PTPRT: variants seen among roughly 807,000 people sequenced by gnomAD.
PTPRT encodes protein tyrosine phosphatase receptor type T.
Under a neutral mutation model 176.8 loss-of-function variants are expected in PTPRT, and 56 were observed. The ratio of observed to expected loss-of-function variants is 0.32; its 90% CI spans 0.26 to 0.40. The LOEUF is 0.40. PTPRT is among the 10% of genes least tolerant of loss of function. The pLI, the probability that PTPRT is intolerant of heterozygous loss-of-function variation, is 1.00. For missense variants in PTPRT, 1,540 were observed against 1,908.2 expected (o/e 0.81, Z 3.60); for synonymous variants, 783 against 739.0 (o/e 1.06, Z -0.96).
At chr20:42,411,471 C>T (rs565646190) in intron 9 of PTPRT, among the ~76,000 whole-genome samples, 46 of 138,634 alleles carry the variant, frequency 3.3e-4, no homozygotes, top group Admixed American at 1.6e-3. Flanking sequence ...GAGCCGAGAT[C>T]GCACCATTGC....
chr20:42,622,402 G>C (rs906850818), intron 7 of PTPRT, among the ~76,000 whole-genome samples: 1 of 151,990 alleles, frequency 6.6e-6, no homozygotes, highest in Admixed American at 6.6e-5. Flanking sequence ...CCAACATGCC[G>C]GCTAATTTTT....
chr20:42,760,192 G>A (rs115052610), intron 5 of PTPRT, among the ~76,000 whole-genome samples: 200 of 152,260 alleles, frequency 1.3e-3, no homozygotes, highest in African/African-American at 4.6e-3. Context: ...TTTAGCAGCC[G>A]ACATGCCCAG....
intron 1 of PTPRT, among the ~76,000 whole-genome samples, chr20:42,892,599 G>A (rs990753211): frequency 1.3e-5 from 2 of 152,170 alleles, no homozygotes; most frequent in Admixed American, 6.6e-5. Context: ...TGATGAACGT[G>A]GCTGGAGATT....
chr20:42,451,075 A>C (rs1160077329), intron 8 of PTPRT, among the ~76,000 whole-genome samples: 1 of 152,092 alleles, frequency 6.6e-6, no homozygotes, highest in Admixed American at 6.5e-5. Context: ...TTGAGGGTGG[A>C]AGGAGAAAAA....
At chr20:42,764,141 G>A (rs748791944) in intron 5 of PTPRT, among the ~76,000 whole-genome samples, 9 of 152,082 alleles carry the variant, frequency 5.9e-5, no homozygotes, top group African/African-American at 1.4e-4. Context: ...TTTGTGGAGG[G>A]AGCAGTCAGT....
intron 9 of PTPRT, among the ~76,000 whole-genome samples, chr20:42,403,741 T>C (rs1044237620): frequency 6.6e-6 from 1 of 152,114 alleles, no homozygotes; most frequent in Admixed American, 6.6e-5. Context: ...CTTTCTCACC[T>C]CCACTCTTCT....
At chr20:42,498,730 C>A (rs1402204979) in intron 7 of PTPRT, among the ~76,000 whole-genome samples, 3 of 152,118 alleles carry the variant, frequency 2.0e-5, no homozygotes, top group African/African-American at 4.8e-5. Flanking sequence ...CTCGACCTCT[C>A]TTACCTTACC....
At chr20:43,130,639 C>G (rs1356458985) in intron 1 of PTPRT, among the ~76,000 whole-genome samples, 1 of 151,070 alleles carries the variant, frequency 6.6e-6, no homozygotes, top group Non-Finnish European at 1.5e-5. Context: ...ATGAAGATAC[C>G]CTGCAGGTAT....
intron 3 of PTPRT, among the ~76,000 whole-genome samples, chr20:42,784,453 CTT>C (rs1161418929): frequency 1.3e-5 from 2 of 152,036 alleles, no homozygotes. Context: ...TTAAGAGAGA[CTT>C]TTTTTACCCT....
intron 1 of PTPRT, among the ~76,000 whole-genome samples, chr20:42,934,003 C>T (rs979284169): frequency 1.3e-5 from 2 of 152,244 alleles, no homozygotes; most frequent in African/African-American, 4.8e-5. Context: ...GTCTGGAACT[C>T]ATTTTTCCCC....
intron 1 of PTPRT, among the ~76,000 whole-genome samples, chr20:43,126,585 CT>C (rs1000776834): frequency 2.2e-4 from 33 of 152,318 alleles, no homozygotes; most frequent in African/African-American, 7.2e-4. Context: ...TTTTCTTCAA[CT>C]GTCCCTTTTC....
chr20:42,220,037 T>TTACA (rs1555803548), intron 15 of PTPRT, among the ~76,000 whole-genome samples: 4 of 116,608 alleles, frequency 3.4e-5, no homozygotes, highest in African/African-American at 8.7e-5. Context: ...TTTAAAAAAG[T>TTACA]TATATATATA....
intron 9 of PTPRT, among the ~76,000 whole-genome samples, chr20:42,426,827 A>G (rs6030219): frequency 0.82 from 124,125 of 151,654 alleles, 50,967 homozygotes; most frequent in Admixed American, 0.86. Flanking sequence ...TCTTGTTTCA[A>G]TAGGTTGGTC....
the PTPRT span, among the ~76,000 whole-genome samples, chr20:42,056,459 T>C: frequency 6.6e-6 from 1 of 152,260 alleles, no homozygotes; most frequent in South Asian, 2.1e-4. Context: ...TTGGAGGCTG[T>C]ATCCCTGCAT....
chr20:43,137,313 C>T (rs955689363), intron 1 of PTPRT, among the ~76,000 whole-genome samples: 1 of 152,158 alleles, frequency 6.6e-6, no homozygotes, highest in Non-Finnish European at 1.5e-5. Context: ...AGCCTGTGGG[C>T]CAGATCTGGC....
At chr20:42,154,402 C>T (rs533152687) in intron 17 of PTPRT, among the ~76,000 whole-genome samples, 2 of 152,170 alleles carry the variant, frequency 1.3e-5, no homozygotes, top group African/African-American at 4.8e-5. Flanking sequence ...TGCCATCACC[C>T]CATCACCCAC....
chr20:42,484,419 C>T (rs2071435352), intron 7 of PTPRT, among the ~76,000 whole-genome samples: 1 of 152,206 alleles, frequency 6.6e-6, no homozygotes, highest in African/African-American at 2.4e-5. Flanking sequence ...TACACAATTT[C>T]TCAAACTGAA....
At chr20:42,659,065 T>A (rs2075176626) in intron 7 of PTPRT, among the ~76,000 whole-genome samples, 1 of 152,170 alleles carries the variant, frequency 6.6e-6, no homozygotes, top group African/African-American at 2.4e-5. Flanking sequence ...TTTTTCTGTA[T>A]CTTCCAAAAT....
At chr20:42,374,069 C>G (rs1000955986) in intron 9 of PTPRT, among the ~76,000 whole-genome samples, 2 of 152,168 alleles carry the variant, frequency 1.3e-5, no homozygotes, top group African/African-American at 2.4e-5. Context: ...AAGTCAGCAC[C>G]TCTAACCCCT....
Sources: gnomAD v4.1 joint callset for allele counts (sites outside exome capture counted in the v4.1 genomes callset) on GRCh38, gnomAD v4.1.1 for gene constraint, MANE v1.5 for transcripts, NCBI Gene and HGNC (gene_info 2026-07-23, HGNC 2026-07-21) for gene names.